ASIC2: variants seen among roughly 807,000 people sequenced by gnomAD.
ASIC2 encodes the protein acid-sensing ion channel 2.
Under a neutral mutation model 57.3 loss-of-function variants are expected in ASIC2, and 25 were observed. The observed-to-expected ratio is 0.44, with a 90% CI of 0.32 to 0.61. The LOEUF is 0.61. Ranked by LOEUF, ASIC2 falls within the 20% of genes least tolerant of loss-of-function variation. The probability of loss-of-function intolerance (pLI) is 0.06; values close to 1 mark genes in which losing one functional copy is unlikely to be tolerated. For synonymous variants in ASIC2, 319 were observed against 307.5 expected, an observed-to-expected ratio of 1.04 and a Z score of -0.39; for missense variants, 641 against 738.1, an observed-to-expected ratio of 0.87 and a Z score of 1.52.
At chr17:33,300,568 T>C (rs1485044910) in intron 1 of ASIC2, among the ~76,000 whole-genome samples, 6 of 152,252 alleles carry the variant, frequency 3.9e-5, no homozygotes. Context: ...GATATTTCTG[T>C]TTGCCTCTGA....
At chr17:33,221,103 C>G (rs78292621) in intron 1 of ASIC2, among the ~76,000 whole-genome samples, 2,889 of 151,990 alleles carry the variant, frequency 0.019, 93 homozygotes, top group African/African-American at 0.066. Flanking sequence ...ATAAAGAATG[C>G]CAGGTGTAGG....
intron 1 of ASIC2, among the ~76,000 whole-genome samples, chr17:33,335,822 G>T (rs1176463984): frequency 6.6e-6 from 1 of 152,112 alleles, no homozygotes; most frequent in African/African-American, 2.4e-5. Context: ...GGGCCACAAG[G>T]GTGAATAAGA....
At chr17:33,282,473 GTGCT>G (rs796623389) in intron 1 of ASIC2, among the ~76,000 whole-genome samples, 2 of 85,532 alleles carry the variant, frequency 2.3e-5, no homozygotes, top group Non-Finnish European at 4.8e-5. Context: ...GTGTGTGTGT[GTGCT>G]TGTGTGTGTG....
chr17:34,094,043 G>T (rs1910428368), intron 1 of ASIC2, among the ~76,000 whole-genome samples: 1 of 152,188 alleles, frequency 6.6e-6, no homozygotes, highest in African/African-American at 2.4e-5. Context: ...CCTGAAAGTG[G>T]ATATTGACAG....
intron 1 of ASIC2, among the ~76,000 whole-genome samples, chr17:34,055,412 GT>G (rs1304325194): frequency 2.0e-5 from 3 of 151,890 alleles, no homozygotes; most frequent in African/African-American, 7.3e-5. Context: ...CTTTTTTACA[GT>G]TTTATTTTCC....
At chr17:33,443,405 G>GTTTTTTTT (rs1567862521) in intron 1 of ASIC2, among the ~76,000 whole-genome samples, 1 of 99,478 alleles carries the variant, frequency 1.0e-5, no homozygotes. Context: ...TGGAGGGTAA[G>GTTTTTTTT]ATTTTTTTTT....
At position 33,293,256 on chromosome 17, in the gene ASIC2, T is replaced by A. The variant is rs1905581999; in HGVS notation, c.-1141A>T. Reference sequence around the variant, plus strand: ...CCGCGCGACGCTGGCGCGGCTGGGCTCCGAGCACCTGCTCCTCAGCTCGCT... The same window carrying A: ...CCGCGCGACGCTGGCGCGGCTGGGCACCGAGCACCTGCTCCTCAGCTCGCT... On this transcript the variant is annotated 5_prime_UTR_variant, in exon 1 of 10. Transcript: ENST00000225823. 6.6e-6 allele frequency among the ~76,000 whole-genome samples: 1 copy of A among 151,782 alleles called. No homozygotes were observed. Among genetic ancestry groups the A allele is most frequent in the African/African-American group, 2.4e-5 (1 of 41,344 alleles).
intron 1 of ASIC2, among the ~76,000 whole-genome samples, chr17:33,521,188 G>A (rs1597762973): frequency 6.6e-6 from 1 of 152,272 alleles, no homozygotes; most frequent in African/African-American, 2.4e-5. Context: ...TGCCTCTTGC[G>A]GGAGAAGTAG....
At chr17:33,848,080 A>C (rs1567733431) in intron 1 of ASIC2, among the ~76,000 whole-genome samples, 1 of 152,126 alleles carries the variant, frequency 6.6e-6, no homozygotes, top group African/African-American at 2.4e-5. Flanking sequence ...TAAAATCTAC[A>C]TCTGCTTACT....
At chr17:33,496,079 C>G (rs1271974482) in intron 1 of ASIC2, among the ~76,000 whole-genome samples, 2 of 152,158 alleles carry the variant, frequency 1.3e-5, no homozygotes, top group Non-Finnish European at 2.9e-5. Flanking sequence ...GAACTTTGGG[C>G]TGATGAATGA....
intron 9 of ASIC2, among the ~76,000 whole-genome samples, chr17:33,015,471 A>AAGTGCCTGAG (rs2091800772): frequency 6.6e-6 from 1 of 152,164 alleles, no homozygotes; most frequent in South Asian, 2.1e-4. Flanking sequence ...CTCAAATACA[A>AAGTGCCTGAG]AGTGCCTGAC....
intron 1 of ASIC2, among the ~76,000 whole-genome samples, chr17:33,635,753 C>T (rs1906338897): frequency 6.6e-6 from 1 of 152,182 alleles, no homozygotes. Flanking sequence ...GAACTGACAA[C>T]AGAGGAACTG....
intron 1 of ASIC2, among the ~76,000 whole-genome samples, chr17:33,815,509 A>G (rs1912550092): frequency 6.6e-6 from 1 of 152,010 alleles, no homozygotes; most frequent in Admixed American, 6.5e-5. Context: ...TCTTGACTTA[A>G]CTCACCCCTC....
chr17:33,464,479 T>C lies in ASIC2; in HGVS notation c.556-352412A>G, dbSNP rs978592203. The stretch of plus-strand genomic sequence containing the variant: ...TTTCTCTTTCTTTCTTTCTTTCTTT[T>C]CTCTCTTTCTTTCTTTCTTTCTTTC... On this transcript the variant is annotated intron_variant, in intron 1 of 9. Transcript: ENST00000359872. Among the ~76,000 whole-genome samples the C allele has an allele frequency of 4.9e-5, 4 of 81,126 alleles. 1 individual carries two copies. The highest frequency in any genetic ancestry group is 8.5e-4 in the South Asian group (2 of 2,350). 53.2% of individuals were successfully genotyped at this position (81,126 alleles called of 152,430 possible). A position where few individuals can be genotyped will look rare whatever the true frequency, so the allele number is the denominator to read the frequency against.
At chr17:33,965,397 G>A (rs1221301767) in intron 1 of ASIC2, among the ~76,000 whole-genome samples, 1 of 152,090 alleles carries the variant, frequency 6.6e-6, no homozygotes, top group Non-Finnish European at 1.5e-5. Flanking sequence ...ACACCTTGCA[G>A]GGTTCCCAGC....
chr17:33,056,673 C>T (rs1404367473), intron 3 of ASIC2, among the ~76,000 whole-genome samples: 2 of 152,172 alleles, frequency 1.3e-5, no homozygotes, highest in East Asian at 1.9e-4. Flanking sequence ...GATACAGTTC[C>T]CATCTGGGAT....
At chr17:33,090,716 G>A (rs978975252) in intron 2 of ASIC2, among the ~76,000 whole-genome samples, 6 of 152,118 alleles carry the variant, frequency 3.9e-5, no homozygotes, top group Admixed American at 2.6e-4. Flanking sequence ...GTCCAGCCAC[G>A]GGAAAGGCAT....
chr17:34,090,967 G>A (rs1430331717), intron 1 of ASIC2, among the ~76,000 whole-genome samples: 3 of 152,224 alleles, frequency 2.0e-5, no homozygotes, highest in Non-Finnish European at 2.9e-5. Flanking sequence ...TGTAAATACT[G>A]GACTAGGGCC....
intron 1 of ASIC2, among the ~76,000 whole-genome samples, chr17:33,345,755 G>T (rs1435034077): frequency 6.6e-6 from 1 of 152,216 alleles, no homozygotes; most frequent in African/African-American, 2.4e-5. Context: ...AGGGCAACAG[G>T]TAGGTTTAAA....
Sources: allele counts gnomAD v4.1 joint callset (sites outside exome capture counted in the v4.1 genomes callset), GRCh38; gene constraint gnomAD v4.1.1; transcripts MANE v1.5; gene names NCBI Gene and HGNC (gene_info 2026-07-23, HGNC 2026-07-21).